Variants in GTPBP10 observed in about 807,000 individuals in gnomAD.
The protein encoded by GTPBP10 is GTP binding protein 10.
In GTPBP10, 38 loss-of-function variants were observed where a neutral mutation model predicts 44.8. That is an observed-to-expected ratio of 0.85 (90% CI 0.65 to 1.11). The LOEUF (loss-of-function observed/expected upper bound fraction) is 1.11. Among genes scored for constraint, GTPBP10 ranks in the 50% most tolerant of loss-of-function variants. The pLI, the probability that GTPBP10 is intolerant of heterozygous loss-of-function variation, is 0.00. For missense variants in GTPBP10, 462 were observed against 453.7 expected (o/e 1.02, Z -0.17); for synonymous variants, 152 against 150.6 (o/e 1.01, Z -0.07).
Position 90,385,090 on chromosome 7 carries a change from C to A in GTPBP10, c.1100C>A (p.Thr367Lys), listed in dbSNP as rs1372951235. 1 of 1,613,024 alleles carries A rather than the reference C, an allele frequency of 6.2e-7. No homozygotes were observed. The highest frequency in any genetic ancestry group is 1.1e-5 in the South Asian group (1 of 91,050). Residue 367 changes from threonine to lysine, a missense_variant, in exon 10 of 10, where the codon ACA becomes AAA. Coordinates refer to ENST00000222511, the MANE Select transcript of GTPBP10 (RefSeq NM_033107.4). ...KQLLNLWISD[T>K]MSSTEPPSKH... is the part of the protein sequence containing the mutation. The stretch of plus-strand genomic sequence containing the variant: ...TTGCTTAATTTGTGGATTTCTGATA[C>A]AATGTCTTCTACTGAGCCACCATCA...
chr7:90,355,314 C>A, intron 4 of GTPBP10, 84 bp downstream of exon 4: 2 of 871,954 alleles, frequency 2.3e-6, no homozygotes, highest in Non-Finnish European at 3.3e-6. Flanking sequence ...TAATTTGGGG[C>A]CATAATTATT....
At position 90,390,155 on chromosome 7, in the gene GTPBP10, G is replaced by C. The variant is rs1028249642; in HGVS notation, c.*5001G>C. 4 of 152,168 alleles carry C rather than the reference G, an allele frequency of 2.6e-5. No individual in the cohort carries two copies. Among genetic ancestry groups the C allele is most frequent in the Non-Finnish European group, 5.9e-5 (4 of 68,034 alleles). 9.4% of individuals were successfully genotyped at this position (152,168 alleles called of 1,614,324 possible). ...GAAATGTATTAGGGAAATAGCTTTA[G>C]TTTTGAGTGGGTGTCAGTAGCCAGC... On this transcript the variant is annotated 3_prime_UTR_variant, in exon 10 of 10. Coordinates refer to ENST00000222511, the MANE Select transcript of GTPBP10 (RefSeq NM_033107.4).
chr7:90,359,089 T>A (rs1191622406), intron 4 of GTPBP10, among the ~76,000 whole-genome samples: 1 of 151,996 alleles, frequency 6.6e-6, no homozygotes, highest in Admixed American at 6.6e-5. Context: ...CAAAAAACAA[T>A]ACGTGCTGAC....
Position 90,375,170 on chromosome 7 carries a change from C to A in GTPBP10, c.591+816C>A, listed in dbSNP as rs781540307. Among the ~76,000 whole-genome samples, 21 of 151,528 alleles carry A rather than the reference C, an allele frequency of 1.4e-4. 1 individual carries two copies. The highest frequency in any genetic ancestry group is 2.4e-4 in the Non-Finnish European group (16 of 67,948). On this transcript the variant is annotated intron_variant, in intron 6 of 9. Coordinates refer to ENST00000222511, the MANE Select transcript of GTPBP10 (RefSeq NM_033107.4). ...TGTATGATTCTAACTATATGACATT[C>A]TGGATAAGGCAAAGCTGTGGAGACA... is the stretch of plus-strand genomic sequence containing the variant.
chr7:90,368,744 C>G (rs1342545758), intron 4 of GTPBP10, among the ~76,000 whole-genome samples: 1 of 152,186 alleles, frequency 6.6e-6, no homozygotes, highest in Non-Finnish European at 1.5e-5. Context: ...GAACATTCTC[C>G]TTAGCTCAGT....
intron 4 of GTPBP10, among the ~76,000 whole-genome samples, chr7:90,356,188 G>T (rs1795897345): frequency 6.6e-6 from 1 of 151,778 alleles, no homozygotes; most frequent in African/African-American, 2.4e-5. Flanking sequence ...CTCGTCTTTT[G>T]CCCTGCCTGA....
chr7:90,368,774 C>G (rs897152981), intron 4 of GTPBP10, among the ~76,000 whole-genome samples: 32 of 152,192 alleles, frequency 2.1e-4, no homozygotes, highest in Non-Finnish European at 4.3e-4. Context: ...TATTACCAAC[C>G]TTCTGAAGTC....
rs1554395961 is a variant in GTPBP10 at position 90,353,061 on chromosome 7, A to T, written c.227+52A>T. ...TTTAGAAAATCAAACCCTTCTGGAA[A>T]TTTTTTTTTTAGTTACAAAATAAAA... On this transcript the variant is annotated intron_variant, in intron 2 of 9. Transcript: ENST00000222511. 37 of 1,187,148 alleles carry T rather than the reference A, an allele frequency of 3.1e-5. No individual in the cohort carries two copies. The South Asian group carries it at 6.1e-4, about 20-fold the overall frequency. 73.5% of individuals were successfully genotyped at this position (1,187,148 alleles called of 1,614,324 possible). A position where few individuals can be genotyped will look rare whatever the true frequency, so the allele number is the denominator to read the frequency against.
chr7:90,364,124 TTC>T (rs1187259139), intron 4 of GTPBP10, among the ~76,000 whole-genome samples: 2 of 152,238 alleles, frequency 1.3e-5, no homozygotes, highest in African/African-American at 4.8e-5. Context: ...TGAAGCCTTC[TTC>T]TCTCAACTCA....
chr7:90,374,402 G>A (rs374738966), intron 6 of GTPBP10, 48 bp downstream of exon 6: 4 of 1,223,572 alleles, frequency 3.3e-6, no homozygotes, highest in Non-Finnish European at 4.8e-6. Flanking sequence ...AAAAGTACTT[G>A]GTTTTGGTAC....
chr7:90,365,407 G>A (rs1480859340), intron 4 of GTPBP10, among the ~76,000 whole-genome samples: 5 of 117,690 alleles, frequency 4.2e-5, no homozygotes, highest in African/African-American at 6.8e-5. Context: ...ACGGAGTCTC[G>A]CTCTGTCACC....
rs1251305715 is a variant in GTPBP10 at position 90,389,830 on chromosome 7, C to G, written c.*4676C>G. On this transcript the variant is annotated 3_prime_UTR_variant, in exon 10 of 10. Coordinates refer to ENST00000222511, the MANE Select transcript of GTPBP10 (RefSeq NM_033107.4). The stretch of plus-strand genomic sequence containing the variant: ...TTTATTCTTTTTAGAGACAGGGTCT[C>G]TCTGTGGAGTGCAGTGGCATGATTA... 2 of 152,188 alleles carry G rather than the reference C, an allele frequency of 1.3e-5. No homozygotes were observed. Among genetic ancestry groups the G allele is most frequent in the Non-Finnish European group, 2.9e-5 (2 of 68,010 alleles). 9.4% of individuals were successfully genotyped at this position (152,188 alleles called of 1,614,324 possible). A position where few individuals can be genotyped will look rare whatever the true frequency, so the allele number is the denominator to read the frequency against.
At chr7:90,378,251 T>C (rs757834544) in intron 8 of GTPBP10, 40 bp downstream of exon 8, 1 of 1,568,864 alleles carries the variant, frequency 6.4e-7, no homozygotes, top group Non-Finnish European at 8.7e-7. Context: ...TTTGGTCTAA[T>C]ACATAGGAAT....
chr7:90,374,254 G>A (rs752730444), intron 5 of GTPBP10, 48 bp from the exon 6 acceptor site: 24 of 1,231,000 alleles, frequency 1.9e-5, no homozygotes, highest in Non-Finnish European at 2.3e-5. Flanking sequence ...GAGAGTACCA[G>A]CCCTAAAATA....
chr7:90,379,741 A>C (rs930600894), intron 8 of GTPBP10, among the ~76,000 whole-genome samples: 1 of 152,212 alleles, frequency 6.6e-6, no homozygotes, highest in African/African-American at 2.4e-5. Context: ...AGGAACTGCC[A>C]AACTATTCTG....
chr7:90,384,772 G>A, intron 9 of GTPBP10, 120 bp from the exon 10 acceptor site: 1 of 906,268 alleles, frequency 1.1e-6, no homozygotes, highest in Non-Finnish European at 1.6e-6. Flanking sequence ...TAGAAAAGGT[G>A]AAAAAAGGCA....
chr7:90,380,488 CTATT>C (rs1196385430), intron 8 of GTPBP10, among the ~76,000 whole-genome samples: 1 of 152,088 alleles, frequency 6.6e-6, no homozygotes, highest in Non-Finnish European at 1.5e-5. Flanking sequence ...TGGCACAAAA[CTATT>C]ATTTATTTAT....
At chr7:90,357,899 G>A (rs190218018) in intron 4 of GTPBP10, among the ~76,000 whole-genome samples, 33 of 151,960 alleles carry the variant, frequency 2.2e-4, no homozygotes, top group African/African-American at 7.5e-4. Flanking sequence ...TTTATTCCAA[G>A]AAAGAAATCA....
intron 4 of GTPBP10, among the ~76,000 whole-genome samples, chr7:90,366,413 T>G (rs1160389331): frequency 6.6e-6 from 1 of 152,108 alleles, no homozygotes; most frequent in African/African-American, 2.4e-5. Flanking sequence ...GTCCTGGACT[T>G]TTTTTGGTTG....
Sources: gnomAD v4.1 joint callset for allele counts (sites outside exome capture counted in the v4.1 genomes callset) on GRCh38, gnomAD v4.1.1 for gene constraint, MANE v1.5 for transcripts, NCBI Gene and HGNC (gene_info 2026-07-23, HGNC 2026-07-21) for gene names.